The following ALPL variants were observed in gnomAD, a reference collection of about 807,000 sequenced individuals.
ALPL encodes alkaline phosphatase, biomineralization associated, also known as alkaline phosphatase, tissue-nonspecific isozyme.
In ALPL, 42 loss-of-function variants were observed where a neutral mutation model predicts 51.3. The ratio of observed to expected loss-of-function variants is 0.82; its 90% CI spans 0.64 to 1.06. ALPL has a LOEUF of 1.06. ALPL is among the 50% of genes least tolerant of loss of function. ALPL has a pLI of 0.00. For synonymous variants in ALPL, 279 were observed against 296.4 expected, an observed-to-expected ratio of 0.94 and a Z score of 0.60; for missense variants, 589 against 709.4, an observed-to-expected ratio of 0.83 and a Z score of 1.93.
At chr1:21,552,312 T>A (rs1479520589) in intron 1 of ALPL, among the ~76,000 whole-genome samples, 1 of 150,530 alleles carries the variant, frequency 6.6e-6, no homozygotes, top group African/African-American at 2.4e-5. Flanking sequence ...GGACCCCATC[T>A]CTACTAAAAA....
chr1:21,556,358 A>T (rs1237066369), intron 2 of ALPL, among the ~76,000 whole-genome samples: 1 of 152,158 alleles, frequency 6.6e-6, no homozygotes, highest in African/African-American at 2.4e-5. Flanking sequence ...TGGCTTTAGC[A>T]GGCCTGGTAT....
intron 1 of ALPL, among the ~76,000 whole-genome samples, chr1:21,552,565 T>C (rs1311233404): frequency 6.6e-6 from 1 of 152,094 alleles, no homozygotes; most frequent in Admixed American, 6.5e-5. Context: ...AAAGAAACTT[T>C]TAAAAAATTA....
In ALPL at chr1:21,520,290, A is replaced by AT. The variant is rs112276188; in HGVS notation, c.-105+10781dup. Among the ~76,000 whole-genome samples, 1,072 of 151,022 alleles carry AT rather than the reference A, an allele frequency of 7.1e-3. 14 individuals are homozygous for AT. Among genetic ancestry groups the AT allele is most frequent in the African/African-American group, 0.023 (940 of 41,090 alleles). ...AGGCTTGTGCCACCATGCCCAGCTA[A>AT]TTTTTTTTATTTTTTATTTTGTGAG... On this transcript the variant is annotated intron_variant, in intron 1 of 11. Coordinates refer to ENST00000374840, the MANE Select transcript of ALPL (RefSeq NM_000478.6).
At chr1:21,531,194 A>G (rs1644025801) in intron 1 of ALPL, among the ~76,000 whole-genome samples, 1 of 152,048 alleles carries the variant, frequency 6.6e-6, no homozygotes. Context: ...CCTGGTCTCA[A>G]GTGATCCACC....
At position 21,568,240 on chromosome 1, in the gene ALPL, G is replaced by A; in HGVS notation, c.785G>A (p.Arg262Lys). The change falls in exon 7 of 12, where the codon AGA becomes AAA. Residue 262 changes from arginine (R) to lysine (K), a missense_variant. By Grantham distance (26) the Arg-to-Lys change is conservative (BLOSUM62 2). Coordinates refer to ENST00000374840, the MANE Select transcript of ALPL (RefSeq NM_000478.6). ...GACACCTGGAAGAGCTTCAAACCGAGATACAAGGTAGCCTGTGCTGGGGCC... is the reference window on the plus strand; with the variant it reads ...GACACCTGGAAGAGCTTCAAACCGAAATACAAGGTAGCCTGTGCTGGGGCC... ...LVDTWKSFKPRYKHSHFIWNR... is the reference protein window; with the variant it reads ...LVDTWKSFKPKYKHSHFIWNR... 1.9e-6 allele frequency: 3 copies of A among 1,614,120 alleles called. No individual in the cohort carries two copies.
chr1:21,558,933 TGGA>T (rs1181402578), intron 2 of ALPL, among the ~76,000 whole-genome samples: 1 of 152,100 alleles, frequency 6.6e-6, no homozygotes, highest in Admixed American at 6.5e-5. Flanking sequence ...TTTCCTAATG[TGGA>T]GGAGACACTG....
At chr1:21,530,145 C>T (rs1160408625) in intron 1 of ALPL, among the ~76,000 whole-genome samples, 1 of 152,046 alleles carries the variant, frequency 6.6e-6, no homozygotes, top group Non-Finnish European at 1.5e-5. Context: ...TTCGGGGAGC[C>T]ATGCACTTCT....
intron 2 of ALPL, among the ~76,000 whole-genome samples, 176 bp downstream of exon 2, chr1:21,554,318 C>G (rs1644369701): frequency 8.8e-6 from 1 of 113,518 alleles, no homozygotes; most frequent in Admixed American, 1.0e-4. Flanking sequence ...ATAGGTCACT[C>G]TTTTCCCATA....
intron 1 of ALPL, among the ~76,000 whole-genome samples, chr1:21,542,787 G>A (rs995340948): frequency 2.6e-5 from 4 of 152,274 alleles, no homozygotes; most frequent in Middle Eastern, 3.4e-3. Flanking sequence ...GCAGTGAGCC[G>A]AGATTGCGCT....
At chr1:21,559,613 G>A (rs1044060446) in intron 2 of ALPL, among the ~76,000 whole-genome samples, 3 of 152,136 alleles carry the variant, frequency 2.0e-5, no homozygotes, top group African/African-American at 2.4e-5. Context: ...TCCGCCTCCC[G>A]GGTTCAAGCA....
At position 21,568,226 on chromosome 1, in the gene ALPL, G is replaced by A. The variant is rs1644595258; in HGVS notation, c.771G>A (p.Lys257=). Residue 257 remains lysine, a synonymous_variant, in exon 7 of 12, where the codon AAG becomes AAA. Coordinates refer to ENST00000374840, the MANE Select transcript of ALPL (RefSeq NM_000478.6). ...LDGLDLVDTW[K]SFKPRYKHSH... is the part of the protein sequence containing the mutation. The stretch of plus-strand genomic sequence containing the variant: ...GCCTGGACCTCGTTGACACCTGGAA[G>A]AGCTTCAAACCGAGATACAAGGTAG... 6.2e-7 allele frequency: 1 copy of A among 1,613,984 alleles called. No homozygotes were observed. Among genetic ancestry groups the A allele is most frequent in the African/African-American group, 1.3e-5 (1 of 74,908 alleles).
intron 1 of ALPL, among the ~76,000 whole-genome samples, chr1:21,537,468 A>G (rs1644124316): frequency 6.6e-6 from 1 of 152,182 alleles, no homozygotes; most frequent in African/African-American, 2.4e-5. Flanking sequence ...GATCACGGGA[A>G]AGTACACAGG....
At position 21,509,710 on chromosome 1, in the gene ALPL, C is replaced by A. The variant is rs1643643591; in HGVS notation, c.-105+193C>A. Among the ~76,000 whole-genome samples the A allele has an allele frequency of 6.6e-6, 1 of 152,158 alleles. No homozygotes were observed. Among genetic ancestry groups the A allele is most frequent in the Admixed American group, 6.5e-5 (1 of 15,282 alleles). On this transcript the variant is annotated intron_variant, in intron 1 of 11. Transcript: ENST00000374840. This position sits in a 1 kb window ranked among gnomAD's most constrained non-coding sequence, Gnocchi z 6.0. Reference sequence around the variant, plus strand: ...TCCTGCCCCTGTCCTCCCGCGCATCCCAAGCTCCCGGCGCGCGCTCTGGGC... The same window carrying A: ...TCCTGCCCCTGTCCTCCCGCGCATCACAAGCTCCCGGCGCGCGCTCTGGGC...
At chr1:21,562,014 G>A (rs1349255428) in intron 4 of ALPL, among the ~76,000 whole-genome samples, 1 of 152,052 alleles carries the variant, frequency 6.6e-6, no homozygotes, top group Non-Finnish European at 1.5e-5. Flanking sequence ...CTTTCCCGAG[G>A]CAGTTCGTGA....
intron 1 of ALPL, among the ~76,000 whole-genome samples, chr1:21,511,562 C>T (rs1643687926): frequency 1.3e-5 from 2 of 152,238 alleles, no homozygotes; most frequent in Non-Finnish European, 2.9e-5. Context: ...CTGTTACCCA[C>T]TTCTGCCCAG....
chr1:21,535,624 A>AT (rs1644095850), intron 1 of ALPL, among the ~76,000 whole-genome samples: 1 of 152,142 alleles, frequency 6.6e-6, no homozygotes, highest in Admixed American at 6.5e-5. Context: ...CAAAAAAAAA[A>AT]GAAAGGAGAG....
intron 9 of ALPL, among the ~76,000 whole-genome samples, 172 bp from the exon 10 acceptor site, chr1:21,575,561 T>A (rs1644715263): frequency 6.6e-6 from 1 of 152,196 alleles, no homozygotes; most frequent in Non-Finnish European, 1.5e-5. Flanking sequence ...TCCGTCAGGT[T>A]GAATGGCTGC....
At chr1:21,573,154 C>G (rs1644673136) in intron 8 of ALPL, among the ~76,000 whole-genome samples, 1 of 152,206 alleles carries the variant, frequency 6.6e-6, no homozygotes, top group Non-Finnish European at 1.5e-5. Context: ...GGAATTGGGG[C>G]TGGGTGCGGA....
At chr1:21,559,106 G>A (rs1174456012) in intron 2 of ALPL, among the ~76,000 whole-genome samples, 2 of 152,144 alleles carry the variant, frequency 1.3e-5, no homozygotes, top group Non-Finnish European at 2.9e-5. Flanking sequence ...CAAAAGATGA[G>A]AATTGTGTCC....
Sources: allele counts gnomAD v4.1 joint callset (sites outside exome capture counted in the v4.1 genomes callset), GRCh38; gene constraint gnomAD v4.1.1; non-coding constraint Gnocchi (gnomAD v3.1); transcripts MANE v1.5; gene names NCBI Gene and HGNC (gene_info 2026-07-23, HGNC 2026-07-21).